Variants in ANKDD1A observed in about 807,000 individuals in gnomAD.
The protein encoded by ANKDD1A is ankyrin repeat and death domain-containing protein 1A.
A neutral mutation model predicts 63.5 loss-of-function variants in ANKDD1A; 59 were observed. That is an observed-to-expected ratio of 0.93 (90% CI 0.75 to 1.15). The LOEUF is 1.15. ANKDD1A is among the 50% of genes most tolerant of loss of function. The pLI is 0.00. For synonymous variants in ANKDD1A, 266 were observed against 263.9 expected (o/e 1.01, Z -0.08); for missense variants, 632 against 656.4 (o/e 0.96, Z 0.41).
At chr15:64,940,989 C>G (rs963136996) in intron 9 of ANKDD1A, among the ~76,000 whole-genome samples, 1 of 152,204 alleles carries the variant, frequency 6.6e-6, no homozygotes, top group African/African-American at 2.4e-5. Flanking sequence ...GTGGTCCTCC[C>G]ACCTTAGCCT....
chr15:64,926,056 T>A lies in ANKDD1A; in HGVS notation c.367-10T>A. 6.2e-7 allele frequency: 1 copy of A among 1,611,300 alleles called. No homozygotes were observed. The highest frequency in any genetic ancestry group is 8.5e-7 in the Non-Finnish European group (1 of 1,178,952). ...ACAGACTGCAGGAACCCTCCTGCAC[T>A]TGTTTCCAGGATGGCCTGACCTTAC... On this transcript the variant is annotated splice_polypyrimidine_tract_variant and intron_variant, in intron 4 of 14. Transcript: ENST00000319580.
chr15:64,935,185 A>G (rs1374023339), intron 9 of ANKDD1A, among the ~76,000 whole-genome samples: 1 of 147,152 alleles, frequency 6.8e-6, no homozygotes, highest in African/African-American at 2.5e-5. Context: ...CCATGATCAC[A>G]CCACTGCACT....
At chr15:64,936,902 CAA>C (rs997541083) in intron 9 of ANKDD1A, among the ~76,000 whole-genome samples, 4 of 151,996 alleles carry the variant, frequency 2.6e-5, no homozygotes, top group Non-Finnish European at 5.9e-5. Flanking sequence ...ACAAACAACA[CAA>C]GAGAAAAATG....
At chr15:64,945,632 G>T (rs1467616236) in intron 12 of ANKDD1A, among the ~76,000 whole-genome samples, 23 of 10,106 alleles carry the variant, frequency 2.3e-3, no homozygotes, top group East Asian at 5.1e-3. Context: ...ATATATATAT[G>T]AACTTTTTTT....
At position 64,954,277 on chromosome 15, in the gene ANKDD1A, TCTTC is replaced by T. The variant is rs1456344768; in HGVS notation, c.1484-2821_1484-2818del. ...TCTTCTTCTCCTTCTTTTCCTTTCTTCTTCCTTCTTAGTTCTCCTTTTCTTCTCC... is the reference window on the plus strand; with the variant it reads ...TCTTCTTCTCCTTCTTTTCCTTTCTTCTTCTTAGTTCTCCTTTTCTTCTCC... On this transcript the variant is annotated intron_variant, in intron 14 of 14. Transcript: ENST00000319580. Among the ~76,000 whole-genome samples, 3 of 143,320 alleles carry T rather than the reference TCTTC, an allele frequency of 2.1e-5. No homozygotes were observed. The East Asian group carries it at 6.4e-4, about 31-fold the overall frequency. The allele number at this position is 143,320 out of a possible 152,430, so 94.0% of individuals were successfully genotyped here. A position where few individuals can be genotyped will look rare whatever the true frequency, so the allele number is the denominator to read the frequency against.
intron 14 of ANKDD1A, chr15:64,950,624 G>C: frequency 2.0e-6 from 2 of 985,030 alleles, no homozygotes; most frequent in Non-Finnish European, 2.4e-6. Context: ...TAGTTGTGAA[G>C]TCTCCATTAG....
chr15:64,926,291 C>G (rs2085045968), intron 5 of ANKDD1A, 121 bp downstream of exon 5: 3 of 1,001,980 alleles, frequency 3.0e-6, no homozygotes, highest in Admixed American at 2.2e-5. Context: ...CATATTGCAC[C>G]TGGCCTGGGG....
At chr15:64,953,876 A>G (rs1218569447) in intron 14 of ANKDD1A, among the ~76,000 whole-genome samples, 8,288 of 84,794 alleles carry the variant, frequency 0.098, 639 homozygotes, top group African/African-American at 0.23. Context: ...TTTCTTCTTC[A>G]TTCTTTCTTC....
intron 3 of ANKDD1A, among the ~76,000 whole-genome samples, chr15:64,919,458 A>C (rs1017682625): frequency 2.7e-4 from 41 of 152,102 alleles, no homozygotes; most frequent in African/African-American, 9.4e-4. Context: ...TTGTTTTATA[A>C]TTTTTAATTT....
intron 14 of ANKDD1A, chr15:64,950,976 C>T (rs201902905): frequency 1.3e-5 from 16 of 1,272,126 alleles, no homozygotes; most frequent in Middle Eastern, 2.1e-4. Context: ...AGAAAGCAAA[C>T]GCAGCCCCGA....
rs1238945152 is a variant in ANKDD1A at position 64,956,745 on chromosome 15, G to T, written c.1484-358G>T. Among the ~76,000 whole-genome samples the T allele has an allele frequency of 2.0e-5, 3 of 152,072 alleles. No homozygotes were observed. The East Asian group carries it at 5.8e-4, about 29-fold the overall frequency. On this transcript the variant is annotated intron_variant, in intron 14 of 14. Transcript: ENST00000319580. ...TAATTTTTGTATTTTTAGTAGACAG[G>T]TTTCACCATGTTGGTGAGGCTGGTC...
intron 9 of ANKDD1A, among the ~76,000 whole-genome samples, chr15:64,937,451 G>T (rs544325896): frequency 6.6e-6 from 1 of 151,874 alleles, no homozygotes; most frequent in African/African-American, 2.4e-5. Flanking sequence ...GAGGACGGCC[G>T]GGCGCAGTGG....
At chr15:64,934,103 TG>T (rs986414538) in intron 8 of ANKDD1A, 32 bp from the exon 9 acceptor site, 2 of 1,575,846 alleles carry the variant, frequency 1.3e-6, no homozygotes, top group African/African-American at 2.7e-5. Context: ...GAGGGGTCCT[TG>T]TGATAACGCA....
At chr15:64,938,508 A>G (rs1451686128) in intron 9 of ANKDD1A, among the ~76,000 whole-genome samples, 1 of 152,232 alleles carries the variant, frequency 6.6e-6, no homozygotes, top group Non-Finnish European at 1.5e-5. Flanking sequence ...CATTCTACGA[A>G]ATACTTGACA....
intron 14 of ANKDD1A, among the ~76,000 whole-genome samples, chr15:64,954,814 TCTTCTCCTTCTTTTTGTTGTTC>T (rs2085398562): frequency 6.6e-6 from 1 of 150,472 alleles, no homozygotes; most frequent in Non-Finnish European, 1.5e-5. Flanking sequence ...TCTTCCTTGT[TCTTCTCCTTCTTTTTGTTGTTC>T]TTTCTTCTTC....
At chr15:64,929,904 C>T (rs1335379496) in intron 6 of ANKDD1A, among the ~76,000 whole-genome samples, 2 of 152,154 alleles carry the variant, frequency 1.3e-5, no homozygotes, top group Non-Finnish European at 2.9e-5. Flanking sequence ...CCATGGAATA[C>T]TATGCAGCCA....
Position 64,944,775 on chromosome 15 carries a change from C to T in ANKDD1A, c.1161+28C>T, listed in dbSNP as rs1346118040. 5 of 1,607,758 alleles carry T rather than the reference C, an allele frequency of 3.1e-6. No individual in the cohort carries two copies. In the Admixed American group the frequency reaches 8.4e-5, roughly 27 times the overall value. On this transcript the variant is annotated intron_variant, in intron 12 of 14. Transcript: ENST00000319580. ...ACGGAGGCCTCACGCTTGATCTTTC[C>T]TCATTGGAAAGGGAGTGATTTTGGC...
intron 14 of ANKDD1A, 132 bp from the exon 15 acceptor site, chr15:64,956,971 G>T: frequency 2.7e-6 from 1 of 368,250 alleles, no homozygotes; most frequent in Admixed American, 3.4e-5. Flanking sequence ...TATTTAATCA[G>T]CATTCTTTTG....
intron 14 of ANKDD1A, among the ~76,000 whole-genome samples, chr15:64,956,562 A>G (rs1173093862): frequency 6.6e-6 from 1 of 152,068 alleles, no homozygotes; most frequent in Non-Finnish European, 1.5e-5. Context: ...CAAAACAAAC[A>G]AACAAAAAAA....
Sources: allele counts gnomAD v4.1 joint callset (sites outside exome capture counted in the v4.1 genomes callset), GRCh38; gene constraint gnomAD v4.1.1; transcripts MANE v1.5; gene names NCBI Gene and HGNC (gene_info 2026-07-23, HGNC 2026-07-21).